The following ATXN7L1 variants were observed in gnomAD, a reference collection of about 807,000 sequenced individuals.
ATXN7L1 encodes the protein ataxin 7 like 1, also known as ataxin-7-like protein 1.
Under a neutral mutation model 70.8 loss-of-function variants are expected in ATXN7L1, and 15 were observed. The ratio of observed to expected loss-of-function variants is 0.21; its 90% CI spans 0.14 to 0.33. ATXN7L1 has a LOEUF of 0.33. ATXN7L1 is among the 10% of genes least tolerant of loss of function. The pLI is 1.00. For missense variants in ATXN7L1, 975 were observed against 1,097.1 expected, an observed-to-expected ratio of 0.89 and a Z score of 1.57; for synonymous variants, 440 against 445.1, an observed-to-expected ratio of 0.99 and a Z score of 0.14.
At chr7:105,710,457 C>G (rs11772827) in intron 3 of ATXN7L1, among the ~76,000 whole-genome samples, 37,401 of 140,356 alleles carry the variant, frequency 0.27, 4,914 homozygotes, top group African/African-American at 0.33. Context: ...ACTCAGGCTG[C>G]AGTGCAGTGG....
intron 5 of ATXN7L1, among the ~76,000 whole-genome samples, chr7:105,640,529 T>G (rs1474905127): frequency 2.6e-5 from 4 of 152,198 alleles, no homozygotes; most frequent in Non-Finnish European, 5.9e-5. Context: ...TGAGGTGATC[T>G]CTTTTTTTCA....
At chr7:105,663,390 C>T (rs1349200117) in intron 4 of ATXN7L1, among the ~76,000 whole-genome samples, 2 of 152,228 alleles carry the variant, frequency 1.3e-5, no homozygotes, top group East Asian at 3.8e-4. Flanking sequence ...ATAATTAGCT[C>T]TTTACTAAGT....
At chr7:105,777,689 GC>G (rs1218978184) in intron 3 of ATXN7L1, among the ~76,000 whole-genome samples, 3 of 152,190 alleles carry the variant, frequency 2.0e-5, no homozygotes, top group Admixed American at 2.0e-4. Context: ...GTTACCGCTA[GC>G]TATGCATTAG....
chr7:105,770,396 G>C (rs981899012), intron 3 of ATXN7L1, among the ~76,000 whole-genome samples: 6 of 152,220 alleles, frequency 3.9e-5, no homozygotes, highest in Non-Finnish European at 7.3e-5. Flanking sequence ...TAAGAGGAGA[G>C]AATCTTTTTC....
chr7:105,793,816 A>C (rs1218522326), intron 2 of ATXN7L1, among the ~76,000 whole-genome samples: 1 of 152,216 alleles, frequency 6.6e-6, no homozygotes, highest in Non-Finnish European at 1.5e-5. Flanking sequence ...CCCTGGCCTG[A>C]TCACAGGCAG....
At chr7:105,811,118 G>A (rs961772670) in intron 2 of ATXN7L1, among the ~76,000 whole-genome samples, 5 of 152,204 alleles carry the variant, frequency 3.3e-5, no homozygotes, top group South Asian at 2.1e-4. Flanking sequence ...TGGAAACAGC[G>A]TCTCTGCAGA....
intron 3 of ATXN7L1, among the ~76,000 whole-genome samples, chr7:105,693,071 G>A (rs1791225073): frequency 6.6e-6 from 1 of 152,206 alleles, no homozygotes; most frequent in African/African-American, 2.4e-5. Context: ...TTCCCAGAGT[G>A]CATCAAGCAG....
chr7:105,651,463 ACTT>A (rs935236948), intron 4 of ATXN7L1, among the ~76,000 whole-genome samples: 1 of 152,090 alleles, frequency 6.6e-6, no homozygotes, highest in African/African-American at 2.4e-5. Flanking sequence ...CCATCAGAAA[ACTT>A]CTGCTTCCTT....
At position 105,761,048 on chromosome 7, in the gene ATXN7L1, C is replaced by T. The variant is rs76440200; in HGVS notation, c.355+27556G>A. ...ACTTTGATTTTGATTCTGACTTCTG[C>T]GTGCAGAATGAATTGTAGAGGAGCA... On this transcript the variant is annotated intron_variant, in intron 3 of 11. Coordinates refer to ENST00000419735, the MANE Select transcript of ATXN7L1 (RefSeq NM_020725.2). The T allele has an allele frequency of 4.2e-4, 225 of 535,784 alleles. 1 individual carries two copies. The highest frequency in any genetic ancestry group is 2.0e-3 in the African/African-American group (100 of 49,142). 33.2% of individuals were successfully genotyped at this position (535,784 alleles called of 1,614,324 possible). A position where few individuals can be genotyped will look rare whatever the true frequency, so the allele number is the denominator to read the frequency against.
At chr7:105,618,416 C>T (rs964132778) in intron 9 of ATXN7L1, among the ~76,000 whole-genome samples, 3 of 152,132 alleles carry the variant, frequency 2.0e-5, no homozygotes, top group Non-Finnish European at 4.4e-5. Context: ...TCTCTTGTGG[C>T]CCTTACCTAC....
At chr7:105,853,765 AAAAACAAAAC>A (rs547510998) in intron 2 of ATXN7L1, among the ~76,000 whole-genome samples, 19 of 152,272 alleles carry the variant, frequency 1.2e-4, no homozygotes, top group African/African-American at 3.4e-4. Context: ...CTCTGTCTCA[AAAAACAAAAC>A]AAAACAAAAC....
At chr7:105,813,120 A>G (rs1253730920) in intron 2 of ATXN7L1, among the ~76,000 whole-genome samples, 3 of 152,224 alleles carry the variant, frequency 2.0e-5, no homozygotes, top group African/African-American at 7.2e-5. Flanking sequence ...ACCTACTTGT[A>G]TGACTTCATG....
chr7:105,679,004 A>G, intron 3 of ATXN7L1: 1 of 914,370 alleles, frequency 1.1e-6, no homozygotes, highest in Non-Finnish European at 1.3e-6. Context: ...ACCTGCGCCC[A>G]GCCCCACGCC....
intron 8 of ATXN7L1, among the ~76,000 whole-genome samples, chr7:105,621,588 G>A (rs1794941472): frequency 6.6e-6 from 1 of 152,214 alleles, no homozygotes; most frequent in Admixed American, 6.5e-5. Context: ...GCATTCAGAT[G>A]TTTAATAAAC....
intron 3 of ATXN7L1, among the ~76,000 whole-genome samples, chr7:105,695,169 C>T (rs888854004): frequency 5.3e-5 from 8 of 151,990 alleles, no homozygotes; most frequent in Non-Finnish European, 1.2e-4. Context: ...TGCCTGTAGT[C>T]CCAGCTACTC....
intron 3 of ATXN7L1, among the ~76,000 whole-genome samples, chr7:105,787,096 C>G (rs532633074): frequency 6.6e-6 from 1 of 152,046 alleles, no homozygotes; most frequent in Admixed American, 6.5e-5. Context: ...GAGGTTTAAC[C>G]CTTTCTCTCT....
intron 3 of ATXN7L1, among the ~76,000 whole-genome samples, chr7:105,776,233 G>A (rs1318102647): frequency 2.0e-5 from 3 of 152,178 alleles, no homozygotes; most frequent in Non-Finnish European, 4.4e-5. Context: ...ACGTTACAGC[G>A]AGAGCCCTCC....
At chr7:105,616,451 C>T (rs926114808) in intron 9 of ATXN7L1, among the ~76,000 whole-genome samples, 2 of 152,170 alleles carry the variant, frequency 1.3e-5, no homozygotes, top group African/African-American at 4.8e-5. Context: ...AAACGTCAGA[C>T]CAAAGGGATC....
At chr7:105,826,937 C>A (rs899096042) in intron 2 of ATXN7L1, among the ~76,000 whole-genome samples, 1 of 152,174 alleles carries the variant, frequency 6.6e-6, no homozygotes. Flanking sequence ...GAAGGAAGAG[C>A]TGATACGGTT....
Sources: gnomAD v4.1 joint callset for allele counts (sites outside exome capture counted in the v4.1 genomes callset) on GRCh38, gnomAD v4.1.1 for gene constraint, MANE v1.5 for transcripts, NCBI Gene and HGNC (gene_info 2026-07-23, HGNC 2026-07-21) for gene names.